ATP13A4: variants seen among roughly 807,000 people sequenced by gnomAD.
The protein encoded by ATP13A4 is ATPase 13A4.
ATP13A4 carries 114 observed loss-of-function variants against 142.5 expected under a neutral mutation model. That is an observed-to-expected ratio of 0.80 (90% CI 0.69 to 0.93). The LOEUF is 0.93. Ranked by LOEUF, ATP13A4 falls within the 40% of genes least tolerant of loss-of-function variation. The pLI, the probability that ATP13A4 is intolerant of heterozygous loss-of-function variation, is 0.00. For missense variants in ATP13A4, 1,392 were observed against 1,454.0 expected, an observed-to-expected ratio of 0.96 and a Z score of 0.69; for synonymous variants, 488 against 514.8, an observed-to-expected ratio of 0.95 and a Z score of 0.70.
intron 2 of ATP13A4, among the ~76,000 whole-genome samples, chr3:193,506,203 T>C (rs150223603): frequency 2.6e-5 from 4 of 152,212 alleles, no homozygotes. Context: ...GTTTCCCAGC[T>C]CTCTTCAAAG....
At chr3:193,516,651 G>A (rs1015875376) in intron 1 of ATP13A4, among the ~76,000 whole-genome samples, 6 of 152,034 alleles carry the variant, frequency 3.9e-5, no homozygotes, top group African/African-American at 1.2e-4. Flanking sequence ...TGTACCTTCC[G>A]ACTCAGCCAT....
chr3:193,457,089 G>A lies in ATP13A4; in HGVS notation c.1826C>T (p.Thr609Ile). ...FPFSSALQRM[T>I]VIVQEMGGDR... ...ACCTCCCATCTCTTGGACAATGACTGTCATTCTTTGCAGTGCCGATGAGAA... is the reference window on the plus strand; with the variant it reads ...ACCTCCCATCTCTTGGACAATGACTATCATTCTTTGCAGTGCCGATGAGAA... The change falls in exon 16 of 30, where the codon ACA (threonine) becomes ATA (isoleucine). Residue 609 changes from threonine (T) to isoleucine (I), a missense_variant. By Grantham distance (89) the Thr-to-Ile change is moderately conservative. Coordinates refer to ENST00000342695, the MANE Select transcript of ATP13A4 (RefSeq NM_032279.4). 1 of 1,613,948 alleles carries A rather than the reference G, an allele frequency of 6.2e-7. No homozygotes were observed. Among genetic ancestry groups the A allele is most frequent in the Non-Finnish European group, 8.5e-7 (1 of 1,180,030 alleles).
chr3:193,571,469 T>C (rs1724264749), intron 2 of ATP13A4, among the ~76,000 whole-genome samples: 1 of 152,082 alleles, frequency 6.6e-6, no homozygotes, highest in Non-Finnish European at 1.5e-5. Context: ...CCTTCCACAG[T>C]GTACAGTATG....
intron 2 of ATP13A4, among the ~76,000 whole-genome samples, chr3:193,512,075 C>T (rs1490060324): frequency 6.6e-6 from 1 of 152,172 alleles, no homozygotes; most frequent in Non-Finnish European, 1.5e-5. Context: ...GCTGAGCAGA[C>T]CATCTGAGAT....
chr3:193,553,758 A>G (rs1044208366), intron 1 of ATP13A4: 4 of 152,238 alleles, frequency 2.6e-5, no homozygotes, highest in Non-Finnish European at 1.5e-5. Flanking sequence ...TGTTGTTGCT[A>G]TAGGAACAGG....
chr3:193,457,012 G>A lies in ATP13A4; in HGVS notation c.1903C>T (p.Gln635Ter). The change falls in exon 16 of 30, where the codon CAA (glutamine) becomes TAA (stop). Residue 635 changes from glutamine to a stop codon, truncating the protein, a stop_gained. Transcript: ENST00000342695. LOFTEE classifies it high-confidence loss of function. Reference protein sequence around the residue: ...GAPERVASFCQPETVPTSFVS... With the variant: ...GAPERVASFC ...TCAAGTTACAGACCTGTCTCAGGTTGGCAAAAGCTGGCCACCCTCTCTGGT... is the reference window on the plus strand; with the variant it reads ...TCAAGTTACAGACCTGTCTCAGGTTAGCAAAAGCTGGCCACCCTCTCTGGT... 1 of 1,613,338 alleles carries A rather than the reference G, an allele frequency of 6.2e-7. No individual in the cohort carries two copies. The highest frequency in any genetic ancestry group is 8.5e-7 in the Non-Finnish European group (1 of 1,179,682).
In ATP13A4 at chr3:193,466,115, C is replaced by T; in HGVS notation, c.1182G>A (p.Leu394=). ...GGAGGAACCTGATGGCATCCCTGTA[C>T]AACTGAAAATTCACTGGCTTAGGGT... is the stretch of plus-strand genomic sequence containing the variant. ...ILYPKPVNFQ[L]YRDAIRFLLC... Residue 394 remains leucine (L), a synonymous_variant, in exon 11 of 30, where the codon TTG becomes TTA. Coordinates refer to ENST00000342695, the MANE Select transcript of ATP13A4 (RefSeq NM_032279.4). 1 of 1,614,146 alleles carries T rather than the reference C, an allele frequency of 6.2e-7. No homozygotes were observed. The highest frequency in any genetic ancestry group is 1.1e-5 in the South Asian group (1 of 91,082).
intron 25 of ATP13A4, among the ~76,000 whole-genome samples, chr3:193,415,230 A>G (rs1714992868): frequency 6.6e-6 from 1 of 152,228 alleles, no homozygotes; most frequent in African/African-American, 2.4e-5. Context: ...CATCTATACA[A>G]TGGAACAACA....
At chr3:193,488,335 A>G (rs1719754915) in intron 7 of ATP13A4, among the ~76,000 whole-genome samples, 1 of 152,220 alleles carries the variant, frequency 6.6e-6, no homozygotes, top group Non-Finnish European at 1.5e-5. Flanking sequence ...TGTTAAACAA[A>G]TTAATGCATA....
At chr3:193,489,199 CG>C (rs1719804670) in intron 7 of ATP13A4, among the ~76,000 whole-genome samples, 1 of 152,082 alleles carries the variant, frequency 6.6e-6, no homozygotes, top group Non-Finnish European at 1.5e-5. Context: ...AAGCCTTGTC[CG>C]GATGAGGTTG....
chr3:193,573,307 A>T (rs1232355656), intron 2 of ATP13A4, among the ~76,000 whole-genome samples: 145 of 129,608 alleles, frequency 1.1e-3, no homozygotes, highest in South Asian at 3.5e-3. Context: ...ATATATATAT[A>T]CATATATATA....
intron 28 of ATP13A4, 43 bp downstream of exon 28, chr3:193,410,939 A>T: frequency 8.1e-7 from 1 of 1,232,934 alleles, no homozygotes; most frequent in Non-Finnish European, 1.2e-6. Context: ...TTAAACTGTT[A>T]CATAACTGTA....
chr3:193,428,952 T>A (rs1025795623), intron 25 of ATP13A4, among the ~76,000 whole-genome samples: 2 of 151,478 alleles, frequency 1.3e-5, no homozygotes, highest in African/African-American at 2.4e-5. Context: ...ATAATAATAA[T>A]AAAACCCAGA....
In ATP13A4 at chr3:193,502,626, A is replaced by G. The variant is rs773763038; in HGVS notation, c.248T>C (p.Ile83Thr). 1.2e-6 allele frequency: 2 copies of G among 1,614,066 alleles called. No homozygotes were observed. Among genetic ancestry groups the G allele is most frequent in the South Asian group, 2.2e-5 (2 of 91,086 alleles). ...VLLRTTDEFQ[I>T]YSWKKVIWIY... The stretch of plus-strand genomic sequence containing the variant: ...CCATATTACCTTTTTCCAAGAGTAA[A>G]TTTGGAATTCATCCTGAGGAGATAG... The change falls in exon 3 of 30, where the codon ATT becomes ACT. Residue 83 changes from isoleucine to threonine, a missense_variant. Coordinates refer to ENST00000342695, the MANE Select transcript of ATP13A4 (RefSeq NM_032279.4).
At chr3:193,561,882 A>G (rs2108736908) in intron 2 of ATP13A4, among the ~76,000 whole-genome samples, 1 of 152,216 alleles carries the variant, frequency 6.6e-6, no homozygotes, top group Admixed American at 6.5e-5. Context: ...TCTTTTTTAC[A>G]CACCCCTATG....
At chr3:193,520,485 T>C (rs1280271437) in intron 1 of ATP13A4, among the ~76,000 whole-genome samples, 2 of 152,184 alleles carry the variant, frequency 1.3e-5, no homozygotes, top group African/African-American at 4.8e-5. Context: ...TTTTAGCCTG[T>C]CTCCAAGAGT....
At chr3:193,515,068 A>G (rs1163067904) in intron 1 of ATP13A4, among the ~76,000 whole-genome samples, 197 bp from the exon 2 acceptor site, 9 of 152,176 alleles carry the variant, frequency 5.9e-5, no homozygotes, top group Non-Finnish European at 8.8e-5. Flanking sequence ...GGAAGCAAGG[A>G]AGTCACAGTC....
intron 1 of ATP13A4, among the ~76,000 whole-genome samples, chr3:193,551,746 C>T (rs1723581279): frequency 6.6e-6 from 1 of 152,192 alleles, no homozygotes; most frequent in Non-Finnish European, 1.5e-5. Context: ...CGTCCCGTCC[C>T]AGTGCTCTCC....
chr3:193,553,478 G>C (rs746698536), intron 1 of ATP13A4: 2 of 152,192 alleles, frequency 1.3e-5, no homozygotes, highest in Non-Finnish European at 2.9e-5. Context: ...TCAAGATGAA[G>C]ATAAACTTTT....
Sources: gnomAD v4.1 joint callset for allele counts (sites outside exome capture counted in the v4.1 genomes callset) on GRCh38, gnomAD v4.1.1 for gene constraint, MANE v1.5 for transcripts, NCBI Gene and HGNC (gene_info 2026-07-23, HGNC 2026-07-21) for gene names.